The following SH3RF3 variants were observed in gnomAD, a reference collection of about 807,000 sequenced individuals.
SH3RF3 encodes the protein SH3 domain containing ring finger 3, also known as E3 ubiquitin-protein ligase SH3RF3.
In SH3RF3, 29 loss-of-function variants were observed where a neutral mutation model predicts 66.3. The observed-to-expected ratio is 0.44, with a 90% CI of 0.33 to 0.60. SH3RF3 has a LOEUF of 0.60. SH3RF3 is among the 20% of genes least tolerant of loss of function. The pLI, the probability that SH3RF3 is intolerant of heterozygous loss-of-function variation, is 0.04. For synonymous variants in SH3RF3, 583 were observed against 532.0 expected (o/e 1.10, Z -1.32); for missense variants, 1,194 against 1,190.9 (o/e 1.00, Z -0.04).
intron 1 of SH3RF3, among the ~76,000 whole-genome samples, chr2:109,289,880 G>C (rs938735289): frequency 4.6e-5 from 7 of 152,240 alleles, no homozygotes; most frequent in African/African-American, 1.7e-4. Flanking sequence ...TTGCGGGTTT[G>C]AACCAGAGGA....
chr2:109,227,425 G>A (rs1679397714), intron 1 of SH3RF3, among the ~76,000 whole-genome samples: 1 of 152,178 alleles, frequency 6.6e-6, no homozygotes, highest in African/African-American at 2.4e-5. Flanking sequence ...TAAGCCACAA[G>A]TTCTCACAGT....
intron 1 of SH3RF3, among the ~76,000 whole-genome samples, chr2:109,167,482 A>T (rs1257751171): frequency 1.3e-5 from 2 of 152,140 alleles, no homozygotes; most frequent in Non-Finnish European, 2.9e-5. Context: ...CTGGTGTCTT[A>T]TTCATTATTT....
intron 2 of SH3RF3, among the ~76,000 whole-genome samples, chr2:109,368,720 A>AAAG (rs1289990436): frequency 6.0e-5 from 9 of 149,762 alleles, no homozygotes; most frequent in African/African-American, 9.9e-5. Flanking sequence ...AAAAAAAAAA[A>AAAG]AAAGAAAAAG....
At chr2:109,219,134 TCTCG>T (rs1171407297) in intron 1 of SH3RF3, among the ~76,000 whole-genome samples, 1 of 152,162 alleles carries the variant, frequency 6.6e-6, no homozygotes, top group African/African-American at 2.4e-5. Context: ...GTTCCACCTC[TCTCG>T]CTCACACCCC....
intron 1 of SH3RF3, among the ~76,000 whole-genome samples, chr2:109,176,423 C>A (rs1303082916): frequency 6.6e-6 from 1 of 152,136 alleles, no homozygotes; most frequent in Non-Finnish European, 1.5e-5. Context: ...AATAGTTGCT[C>A]ACAATTTCTT....
intron 7 of SH3RF3, among the ~76,000 whole-genome samples, chr2:109,447,499 A>C (rs1463199128): frequency 6.6e-6 from 1 of 152,322 alleles, no homozygotes; most frequent in South Asian, 2.1e-4. Context: ...GCTGGTAGAA[A>C]ATGATTACAG....
intron 1 of SH3RF3, among the ~76,000 whole-genome samples, chr2:109,170,300 T>TCC (rs1677743918): frequency 8.2e-6 from 1 of 121,222 alleles, no homozygotes; most frequent in Non-Finnish European, 1.7e-5. Context: ...TTCTCTTCTC[T>TCC]TCTCTTCTCT....
At chr2:109,486,823 C>T (rs1032201607) in intron 8 of SH3RF3, among the ~76,000 whole-genome samples, 1 of 152,210 alleles carries the variant, frequency 6.6e-6, no homozygotes, top group Non-Finnish European at 1.5e-5. Flanking sequence ...CAGCCCATCA[C>T]TTCCATGGAG....
At chr2:109,402,109 T>C (rs985207003) in intron 4 of SH3RF3, among the ~76,000 whole-genome samples, 1 of 152,248 alleles carries the variant, frequency 6.6e-6, no homozygotes, top group Non-Finnish European at 1.5e-5. Context: ...CTGTGTATGC[T>C]GCCCCTGCGG....
chr2:109,219,740 T>C (rs1679187642), intron 1 of SH3RF3, among the ~76,000 whole-genome samples: 1 of 152,146 alleles, frequency 6.6e-6, no homozygotes, highest in Non-Finnish European at 1.5e-5. Context: ...ACCAAAGAGG[T>C]GAAAGATTGG....
intron 1 of SH3RF3, among the ~76,000 whole-genome samples, chr2:109,176,054 C>T (rs1677906445): frequency 6.6e-6 from 1 of 152,200 alleles, no homozygotes; most frequent in South Asian, 2.1e-4. Flanking sequence ...CACTGGGGGC[C>T]TAGCTCCTTT....
chr2:109,475,491 G>A (rs968764716), intron 8 of SH3RF3, among the ~76,000 whole-genome samples: 5 of 152,206 alleles, frequency 3.3e-5, no homozygotes, highest in Non-Finnish European at 7.3e-5. Context: ...AGCCTGGGGC[G>A]CTGAAGCCAC....
intron 1 of SH3RF3, among the ~76,000 whole-genome samples, chr2:109,224,827 A>G (rs997734398): frequency 3.3e-5 from 5 of 152,204 alleles, no homozygotes; most frequent in African/African-American, 1.2e-4. Context: ...ACTGCAGTCC[A>G]GCCTGGGTGA....
chr2:109,236,345 A>G (rs1460993792), intron 1 of SH3RF3, among the ~76,000 whole-genome samples: 3 of 152,116 alleles, frequency 2.0e-5, no homozygotes, highest in Non-Finnish European at 2.9e-5. Flanking sequence ...GTGCCTCCAG[A>G]GTGTGCGAGC....
intron 1 of SH3RF3, among the ~76,000 whole-genome samples, chr2:109,170,162 C>T (rs1386188907): frequency 1.3e-5 from 2 of 152,128 alleles, no homozygotes; most frequent in African/African-American, 4.8e-5. Flanking sequence ...CTAATACCAT[C>T]GTCGGCTCTT....
At chr2:109,268,580 C>A (rs1680554391) in intron 1 of SH3RF3, among the ~76,000 whole-genome samples, 1 of 152,204 alleles carries the variant, frequency 6.6e-6, no homozygotes, top group Non-Finnish European at 1.5e-5. Flanking sequence ...CTGGGCCTCG[C>A]TCCAGGGAGA....
At position 109,501,521 on chromosome 2, in the gene SH3RF3, G is replaced by T. The variant is rs143190008; in HGVS notation, c.2499G>T (p.Ser833=). 1.3e-6 allele frequency: 1 copy of T among 778,650 alleles called. No homozygotes were observed. The highest frequency in any genetic ancestry group is 2.4e-5 in the East Asian group (1 of 41,200). 48.2% of individuals were successfully genotyped at this position (778,650 alleles called of 1,614,324 possible). The change falls in exon 10 of 10, where the codon TCG becomes TCT. Residue 833 remains serine (S), a synonymous_variant. Transcript: ENST00000309415. ...TCCCCAGGTACCGCGTGGTGGTCTC[G>T]TACCCACCCCAGAGTGAGGCGGAGA... The part of the protein sequence containing the change: ...LPRERYRVVV[S]YPPQSEAEIE...
At position 109,339,427 on chromosome 2, in the gene SH3RF3, T is replaced by A. The variant is rs188481608; in HGVS notation, c.574-8247T>A. 2.0e-4 allele frequency among the ~76,000 whole-genome samples: 30 copies of A among 152,298 alleles called. No homozygotes were observed. In the East Asian group the frequency reaches 5.8e-3, roughly 29 times the overall value. On this transcript the variant is annotated intron_variant, in intron 1 of 9. Coordinates refer to ENST00000309415, the MANE Select transcript of SH3RF3 (RefSeq NM_001099289.3). ...CTTCTCTTCCCTCCTGTCCTCTTGG[T>A]CTTCTGCGGTGGCTGGAGATCCAGG...
At chr2:109,473,293 C>T (rs1051102605) in intron 8 of SH3RF3, among the ~76,000 whole-genome samples, 2 of 152,186 alleles carry the variant, frequency 1.3e-5, no homozygotes, top group African/African-American at 4.8e-5. Context: ...CCCTGCAGAG[C>T]CAGAGCCTCT....
Sources: allele counts gnomAD v4.1 joint callset (sites outside exome capture counted in the v4.1 genomes callset), GRCh38; gene constraint gnomAD v4.1.1; transcripts MANE v1.5; gene names NCBI Gene and HGNC (gene_info 2026-07-23, HGNC 2026-07-21).